SPMIP3: variants seen among roughly 807,000 people sequenced by gnomAD.
The protein encoded by SPMIP3 is sperm microtubule inner protein 3, also known as protein SPMIP3.
the SPMIP3 span, chr1:244,352,837 C>G: frequency 5.3e-5 from 8 of 152,316 alleles, no homozygotes; most frequent in East Asian, 1.3e-3. Flanking sequence ...GAGACAGGAA[C>G]TCACAACATA....
At chr1:244,363,489 G>C in the SPMIP3 span, among the ~76,000 whole-genome samples, 1 of 152,130 alleles carries the variant, frequency 6.6e-6, no homozygotes, top group Non-Finnish European at 1.5e-5. Context: ...GTGGGGAACA[G>C]AAAGGGGGCT....
the SPMIP3 span, chr1:244,389,563 A>G: frequency 6.6e-6 from 1 of 152,372 alleles, no homozygotes; most frequent in African/African-American, 2.4e-5. Flanking sequence ...TAGCACCCCT[A>G]TCTTGGCAAG....
chr1:244,385,380 G>A, the SPMIP3 span, among the ~76,000 whole-genome samples: 1 of 152,092 alleles, frequency 6.6e-6, no homozygotes, highest in Non-Finnish European at 1.5e-5. Context: ...ATTTCCTTAG[G>A]AAACATTTTT....
chr1:244,370,711 T>G, the SPMIP3 span, among the ~76,000 whole-genome samples: 2 of 152,226 alleles, frequency 1.3e-5, no homozygotes, highest in African/African-American at 4.8e-5. Flanking sequence ...AGAGTTTGTA[T>G]GAAAATAGCA....
chr1:244,387,869 GT>G, the SPMIP3 span, among the ~76,000 whole-genome samples: 2 of 151,764 alleles, frequency 1.3e-5, no homozygotes, highest in Admixed American at 1.3e-4. Flanking sequence ...TCTAGTTTGT[GT>G]TATTATAAGT....
At chr1:244,356,328 A>G in the SPMIP3 span, among the ~76,000 whole-genome samples, 1 of 152,194 alleles carries the variant, frequency 6.6e-6, no homozygotes, top group African/African-American at 2.4e-5. Flanking sequence ...TTTTACCACG[A>G]ATGGGTCAAT....
chr1:244,357,384 A>G, the SPMIP3 span, among the ~76,000 whole-genome samples: 1 of 152,062 alleles, frequency 6.6e-6, no homozygotes. Context: ...GGCCCTTACT[A>G]AACAACACAA....
chr1:244,368,264 T>C, the SPMIP3 span, among the ~76,000 whole-genome samples: 1 of 152,100 alleles, frequency 6.6e-6, no homozygotes, highest in African/African-American at 2.4e-5. Context: ...TGGCCTACTT[T>C]ATCTGTTTCT....
chr1:244,357,175 G>A, the SPMIP3 span, among the ~76,000 whole-genome samples: 1 of 151,742 alleles, frequency 6.6e-6, no homozygotes, highest in African/African-American at 2.4e-5. Context: ...ACCCACTTTG[G>A]CCTCCCAAAG....
At chr1:244,389,081 G>A in the SPMIP3 span, 83 of 1,595,522 alleles carry the variant, frequency 5.2e-5, no homozygotes, top group Middle Eastern at 1.5e-3. Context: ...CACGGCATTC[G>A]AACAAAATAA....
At chr1:244,367,518 G>A in the SPMIP3 span, among the ~76,000 whole-genome samples, 1 of 152,112 alleles carries the variant, frequency 6.6e-6, no homozygotes, top group Non-Finnish European at 1.5e-5. Context: ...CTGCCTCACG[G>A]TGCGCACTAT....
chr1:244,372,989 A>G, the SPMIP3 span, among the ~76,000 whole-genome samples: 1 of 151,998 alleles, frequency 6.6e-6, no homozygotes, highest in African/African-American at 2.4e-5. Flanking sequence ...TATCCTCTCC[A>G]TCCACATTTC....
chr1:244,386,692 C>T, the SPMIP3 span, among the ~76,000 whole-genome samples: 1 of 152,194 alleles, frequency 6.6e-6, no homozygotes, highest in Admixed American at 6.5e-5. Flanking sequence ...CAGGATCACA[C>T]TCGATTAAAT....
the SPMIP3 span, chr1:244,352,752 T>C: frequency 6.6e-6 from 1 of 152,238 alleles, no homozygotes; most frequent in Non-Finnish European, 1.5e-5. Context: ...CGGTTGGTTG[T>C]TACTGCCTGT....
At chr1:244,355,311 G>T in the SPMIP3 span, among the ~76,000 whole-genome samples, 1 of 152,076 alleles carries the variant, frequency 6.6e-6, no homozygotes, top group Non-Finnish European at 1.5e-5. Context: ...TCTACCAGAG[G>T]GTAGTTGCTC....
the SPMIP3 span, among the ~76,000 whole-genome samples, chr1:244,358,782 T>C: frequency 1.3e-5 from 2 of 152,162 alleles, no homozygotes; most frequent in South Asian, 2.1e-4. Flanking sequence ...AAAGATTTCC[T>C]AGGAATAACT....
chr1:244,367,276 G>A, the SPMIP3 span, among the ~76,000 whole-genome samples: 8 of 152,194 alleles, frequency 5.3e-5, no homozygotes, highest in African/African-American at 1.9e-4. Context: ...ATGGGTTGAA[G>A]GGTTTTATGC....
the SPMIP3 span, among the ~76,000 whole-genome samples, chr1:244,366,835 G>A: frequency 1.5e-4 from 23 of 152,170 alleles, no homozygotes; most frequent in African/African-American, 5.3e-4. Context: ...AGCCGAGATC[G>A]CACTACTGCA....
the SPMIP3 span, among the ~76,000 whole-genome samples, chr1:244,365,065 C>T: frequency 2.6e-5 from 4 of 152,146 alleles, no homozygotes; most frequent in African/African-American, 9.7e-5. Flanking sequence ...TGGATGTCTG[C>T]GCCATTACCC....
Sources: gnomAD v4.1 joint callset for allele counts (sites outside exome capture counted in the v4.1 genomes callset) on GRCh38, gnomAD v4.1.1 for gene constraint, MANE v1.5 for transcripts, NCBI Gene and HGNC (gene_info 2026-07-23, HGNC 2026-07-21) for gene names.